TRIOBP: variants seen among roughly 807,000 people sequenced by gnomAD.
The protein encoded by TRIOBP is TRIO and F-actin-binding protein.
A neutral mutation model predicts 238.8 loss-of-function variants in TRIOBP; 169 were observed. That is an observed-to-expected ratio of 0.71 (90% CI 0.62 to 0.80). TRIOBP has a LOEUF of 0.80. TRIOBP is among the 30% of genes least tolerant of loss of function. The pLI, the probability that TRIOBP is intolerant of heterozygous loss-of-function variation, is 0.00. For missense variants in TRIOBP, 2,838 were observed against 3,122.6 expected (o/e 0.91, Z 2.17); for synonymous variants, 1,150 against 1,274.4 (o/e 0.90, Z 2.08).
chr22:37,741,584 C>T (rs191668137), intron 11 of TRIOBP, among the ~76,000 whole-genome samples: 2 of 152,358 alleles, frequency 1.3e-5, no homozygotes, highest in Non-Finnish European at 2.9e-5. Context: ...CCAGCAGCCA[C>T]AGGCTGGCTC....
At chr22:37,699,348 G>A (rs568726349) in intron 2 of TRIOBP, among the ~76,000 whole-genome samples, 4 of 152,098 alleles carry the variant, frequency 2.6e-5, no homozygotes, top group African/African-American at 9.6e-5. Flanking sequence ...ATGATCCAGT[G>A]CTCCTCACTT....
intron 14 of TRIOBP, 80 bp from the exon 15 acceptor site, chr22:37,755,470 C>A: frequency 1.5e-6 from 2 of 1,327,180 alleles, no homozygotes; most frequent in Non-Finnish European, 2.2e-6. Context: ...GAAGGAAGGG[C>A]CACCCTCCCT....
At chr22:37,737,839 G>C (rs554627063) in intron 9 of TRIOBP, among the ~76,000 whole-genome samples, 1 of 152,156 alleles carries the variant, frequency 6.6e-6, no homozygotes, top group Non-Finnish European at 1.5e-5. Flanking sequence ...CGAAGTCTTA[G>C]GTCAGGCTCC....
Position 37,715,783 on chromosome 22 carries a change from G to T in TRIOBP, c.477G>T (p.Arg159Ser), listed in dbSNP as rs188030007. The change falls in exon 6 of 24, where the codon AGG becomes AGT. Residue 159 changes from arginine to serine, a missense_variant. By Grantham distance (110) the Arg-to-Ser change is moderately radical (BLOSUM62 -1). Around this residue, in one of 5 missense-constraint regions of TRIOBP, gnomAD observed 535 missense variants for 537.3 expected, o/e 1.00. Coordinates refer to ENST00000644935, the MANE Select transcript of TRIOBP (RefSeq NM_001039141.3). The part of the protein sequence containing the change: ...SSSVDWDTVE[R>S]QEEEAPSWDE... ...GGCAGGACTGGGACACTGTTGAGAGGCAGGAGGAGGAGGCCCCCAGCTGGG... is the reference window on the plus strand; with the variant it reads ...GGCAGGACTGGGACACTGTTGAGAGTCAGGAGGAGGAGGCCCCCAGCTGGG... The T allele has an allele frequency of 2.4e-5, 39 of 1,614,034 alleles. No homozygotes were observed. The highest frequency in any genetic ancestry group is 2.0e-4 in the Admixed American group (12 of 60,024).
intron 5 of TRIOBP, among the ~76,000 whole-genome samples, chr22:37,714,561 T>C (rs1005576356): frequency 2.6e-5 from 4 of 151,932 alleles, no homozygotes; most frequent in African/African-American, 9.7e-5. Flanking sequence ...CCCAGCTACT[T>C]GGGAGGCTGA....
chr22:37,734,644 C>A lies in TRIOBP; in HGVS notation c.4308C>A (p.Ser1436=). 6.3e-7 allele frequency: 1 copy of A among 1,592,980 alleles called. No homozygotes were observed. Among genetic ancestry groups the A allele is most frequent in the Non-Finnish European group, 8.5e-7 (1 of 1,170,366 alleles). Residue 1436 remains serine (S), a synonymous_variant, in exon 9 of 24, where the codon TCC becomes TCA. Coordinates refer to ENST00000644935, the MANE Select transcript of TRIOBP (RefSeq NM_001039141.3). ...VWQSQEEPPG[S]QGPHRHLERS... ...AGAGTCAGGAGGAACCGCCAGGGTCCCAGGGCCCTCATAGACACCTAGAAA... is the reference window on the plus strand; with the variant it reads ...AGAGTCAGGAGGAACCGCCAGGGTCACAGGGCCCTCATAGACACCTAGAAA...
At chr22:37,712,842 A>C (rs1923322813) in intron 4 of TRIOBP, among the ~76,000 whole-genome samples, 1 of 151,792 alleles carries the variant, frequency 6.6e-6, no homozygotes. Context: ...CTGTAGTCCC[A>C]GCTACTGGGG....
chr22:37,723,431 C>A lies in TRIOBP; in HGVS notation c.875C>A (p.Ala292Asp). ...HRITQRDTSR[A>D]SSTQQEISRA... ...ATCACCCAAAGGGACACCTCCAGGGCCTCATCCACCCAACAGGAAATCTCC... is the reference window on the plus strand; with the variant it reads ...ATCACCCAAAGGGACACCTCCAGGGACTCATCCACCCAACAGGAAATCTCC... Residue 292 changes from alanine (A) to aspartate (D), a missense_variant, in exon 7 of 24, where the codon GCC becomes GAC. By Grantham distance (126) the Ala-to-Asp change is moderately radical (BLOSUM62 -2). Coordinates refer to ENST00000644935, the MANE Select transcript of TRIOBP (RefSeq NM_001039141.3). 1.9e-6 allele frequency: 3 copies of A among 1,613,642 alleles called. No individual in the cohort carries two copies. Among genetic ancestry groups the A allele is most frequent in the Non-Finnish European group, 2.5e-6 (3 of 1,179,882 alleles).
intron 4 of TRIOBP, 116 bp from the exon 5 acceptor site, chr22:37,713,094 T>C (rs1601622915): frequency 3.3e-6 from 3 of 918,280 alleles, no homozygotes. Flanking sequence ...ATTGGCTCCC[T>C]TTCCCACACC....
chr22:37,742,540 G>A (rs1022293426), intron 11 of TRIOBP, among the ~76,000 whole-genome samples: 2 of 152,212 alleles, frequency 1.3e-5, no homozygotes, highest in African/African-American at 2.4e-5. Flanking sequence ...TGGGATTACA[G>A]GCGTGAGTCA....
intron 22 of TRIOBP, 75 bp from the exon 23 acceptor site, chr22:37,772,526 G>T: frequency 1.2e-6 from 2 of 1,604,876 alleles, no homozygotes; most frequent in Non-Finnish European, 1.7e-6. Context: ...CTGGCTGCTG[G>T]TGCTGCCCAT....
At chr22:37,759,652 TC>T (rs1926139367) in intron 17 of TRIOBP, 2 of 1,529,598 alleles carry the variant, frequency 1.3e-6, no homozygotes, top group Non-Finnish European at 1.7e-6. Flanking sequence ...CACAGGGAAA[TC>T]CTGCCGAGGC....
intron 11 of TRIOBP, among the ~76,000 whole-genome samples, chr22:37,742,263 T>TTTTG (rs1360191501): frequency 6.8e-6 from 1 of 147,874 alleles, no homozygotes; most frequent in Non-Finnish European, 1.5e-5. Flanking sequence ...AGGCGTTTTT[T>TTTTG]TTTTTTTTTT....
In TRIOBP at chr22:37,713,452, C is replaced by T. The variant is rs182281648; in HGVS notation, c.456+41C>T. On this transcript the variant is annotated intron_variant, in intron 5 of 23. Coordinates refer to ENST00000644935, the MANE Select transcript of TRIOBP (RefSeq NM_001039141.3). ...GAGTTTGGGGGACAAGAGTGGCTCA[C>T]ACCTCCATCTGCAGCCCTGGGTCCC... The T allele has an allele frequency of 1.0e-5, 16 of 1,601,482 alleles. No homozygotes were observed. The East Asian group carries it at 2.9e-4, about 29-fold the overall frequency.
intron 5 of TRIOBP, among the ~76,000 whole-genome samples, chr22:37,714,406 C>T (rs761624817): frequency 3.3e-4 from 51 of 152,308 alleles, no homozygotes; most frequent in Non-Finnish European, 6.2e-4. Flanking sequence ...CGGTGGCTCA[C>T]GCCTGTAATC....
intron 5 of TRIOBP, among the ~76,000 whole-genome samples, chr22:37,713,738 G>A (rs940628269): frequency 1.3e-5 from 2 of 152,168 alleles, no homozygotes; most frequent in Admixed American, 6.5e-5. Flanking sequence ...GGTGTCTAGC[G>A]CAAGAGTGGC....
chr22:37,769,830 G>C (rs1926678906), intron 21 of TRIOBP, among the ~76,000 whole-genome samples: 1 of 151,798 alleles, frequency 6.6e-6, no homozygotes, highest in African/African-American at 2.4e-5. Flanking sequence ...CCTGGTTCAA[G>C]CGATTCTCCT....
intron 10 of TRIOBP, among the ~76,000 whole-genome samples, chr22:37,740,080 G>A (rs1179846216): frequency 2.0e-5 from 3 of 152,226 alleles, no homozygotes; most frequent in Non-Finnish European, 4.4e-5. Context: ...TTGCATGCCT[G>A]TGGTCAGGAC....
intron 3 of TRIOBP, among the ~76,000 whole-genome samples, chr22:37,707,600 T>A (rs997156697): frequency 6.6e-6 from 1 of 151,890 alleles, no homozygotes; most frequent in Admixed American, 6.6e-5. Flanking sequence ...GCCTCTAGCT[T>A]TAGGTCAACA....
Sources: allele counts gnomAD v4.1 joint callset (sites outside exome capture counted in the v4.1 genomes callset), GRCh38; gene constraint gnomAD v4.1.1; regional missense constraint gnomAD v4.1.1; transcripts MANE v1.5; gene names NCBI Gene and HGNC (gene_info 2026-07-23, HGNC 2026-07-21).